Variants in LRRTM4 observed in about 807,000 individuals in gnomAD.
LRRTM4 encodes the protein leucine-rich repeat transmembrane neuronal protein 4.
LRRTM4 carries 25 observed loss-of-function variants against 47.6 expected under a neutral mutation model. The observed-to-expected ratio is 0.53, with a 90% CI of 0.38 to 0.73. The LOEUF (loss-of-function observed/expected upper bound fraction) is 0.73, where lower values mean the gene tolerates loss of function less well. LRRTM4 is among the 30% of genes least tolerant of loss of function. The pLI, the probability that LRRTM4 is intolerant of heterozygous loss-of-function variation, is 0.00. For synonymous variants in LRRTM4, 311 were observed against 269.5 expected (o/e 1.15, Z -1.51); for missense variants, 638 against 713.4 (o/e 0.89, Z 1.20).
intron 3 of LRRTM4, among the ~76,000 whole-genome samples, chr2:77,167,140 A>G (rs1281918972): frequency 6.6e-6 from 1 of 152,220 alleles, no homozygotes; most frequent in Non-Finnish European, 1.5e-5. Context: ...CAAGTGGGCA[A>G]AGGATATGAA....
chr2:77,015,874 T>G (rs965918523), intron 3 of LRRTM4, among the ~76,000 whole-genome samples: 1 of 151,912 alleles, frequency 6.6e-6, no homozygotes, highest in Non-Finnish European at 1.5e-5. Context: ...TCCCAGCACT[T>G]GAGAGTCTGA....
intron 3 of LRRTM4, among the ~76,000 whole-genome samples, chr2:77,093,530 A>G (rs1163814819): frequency 1.5e-4 from 22 of 151,108 alleles, no homozygotes; most frequent in Middle Eastern, 3.4e-3. Flanking sequence ...TTCCCACACC[A>G]CCCCTAATCC....
intron 3 of LRRTM4, among the ~76,000 whole-genome samples, chr2:76,781,620 T>C (rs1674397119): frequency 6.6e-6 from 1 of 152,250 alleles, no homozygotes; most frequent in South Asian, 2.1e-4. Context: ...GGCTCGCGCA[T>C]GGTGCGCGCA....
intron 3 of LRRTM4, among the ~76,000 whole-genome samples, chr2:77,324,080 C>G (rs1414952717): frequency 6.6e-6 from 1 of 152,106 alleles, no homozygotes; most frequent in African/African-American, 2.4e-5. Flanking sequence ...ACCACTACCT[C>G]CAAACAGACC....
intron 3 of LRRTM4, among the ~76,000 whole-genome samples, chr2:76,904,270 ATTGT>A (rs1673744058): frequency 6.6e-6 from 1 of 152,230 alleles, no homozygotes; most frequent in Non-Finnish European, 1.5e-5. Context: ...ACAACAGCTG[ATTGT>A]TTGAGAACCA....
chr2:77,300,861 C>G (rs901428777), intron 3 of LRRTM4, among the ~76,000 whole-genome samples: 2 of 151,916 alleles, frequency 1.3e-5, no homozygotes, highest in Admixed American at 1.3e-4. Flanking sequence ...GTTAAAAATT[C>G]CAATACATAC....
At chr2:77,244,617 C>T (rs1348124822) in intron 3 of LRRTM4, among the ~76,000 whole-genome samples, 2 of 151,964 alleles carry the variant, frequency 1.3e-5, no homozygotes, top group African/African-American at 2.4e-5. Flanking sequence ...GTCCTTATGT[C>T]ATCACCTCCC....
chr2:76,904,558 A>C (rs1000654493), intron 3 of LRRTM4, among the ~76,000 whole-genome samples: 1 of 152,202 alleles, frequency 6.6e-6, no homozygotes, highest in African/African-American at 2.4e-5. Flanking sequence ...TGTCAGTGTT[A>C]ATCTAAATCT....
intron 3 of LRRTM4, among the ~76,000 whole-genome samples, chr2:76,779,662 C>A (rs949721520): frequency 2.0e-5 from 3 of 150,130 alleles, no homozygotes; most frequent in East Asian, 2.0e-4. Flanking sequence ...TGTCTCTGCA[C>A]GTGAGATGGG....
At chr2:77,047,269 CTT>C (rs905773369) in intron 3 of LRRTM4, among the ~76,000 whole-genome samples, 1 of 150,996 alleles carries the variant, frequency 6.6e-6, no homozygotes, top group Non-Finnish European at 1.5e-5. Flanking sequence ...TATTATTTCT[CTT>C]TTTTTCACAG....
At chr2:77,178,111 C>T (rs756282215) in intron 3 of LRRTM4, among the ~76,000 whole-genome samples, 12 of 152,064 alleles carry the variant, frequency 7.9e-5, no homozygotes, top group Non-Finnish European at 1.3e-4. Context: ...ACTGCTGTAT[C>T]TTTAGACTAT....
chr2:77,203,480 A>G (rs1443993844), intron 3 of LRRTM4, among the ~76,000 whole-genome samples: 1 of 152,028 alleles, frequency 6.6e-6, no homozygotes, highest in Non-Finnish European at 1.5e-5. Context: ...TTAGGTAAAG[A>G]TTGGTGTTGG....
chr2:76,913,902 A>AAATAATC (rs1407132495), intron 3 of LRRTM4, among the ~76,000 whole-genome samples: 2 of 152,092 alleles, frequency 1.3e-5, no homozygotes, highest in African/African-American at 2.4e-5. Context: ...AATCATAGTG[A>AAATAATC]TAGGAAACTT....
At chr2:77,310,739 C>A (rs530677941) in intron 3 of LRRTM4, among the ~76,000 whole-genome samples, 5 of 152,238 alleles carry the variant, frequency 3.3e-5, no homozygotes, top group Non-Finnish European at 1.5e-5. Flanking sequence ...AAAGATCAGA[C>A]AACTACAAGC....
At chr2:77,020,156 T>A (rs1328379145) in intron 3 of LRRTM4, among the ~76,000 whole-genome samples, 1 of 144,810 alleles carries the variant, frequency 6.9e-6, no homozygotes, top group Non-Finnish European at 1.5e-5. Context: ...AAGGTAGAAA[T>A]TTTCAGTTTA....
At chr2:76,899,789 A>C (rs1384073771) in intron 3 of LRRTM4, among the ~76,000 whole-genome samples, 1 of 152,238 alleles carries the variant, frequency 6.6e-6, no homozygotes, top group African/African-American at 2.4e-5. Flanking sequence ...TAACAATTAT[A>C]ACAAAAAGTA....
chr2:76,812,558 A>T (rs1248719422), intron 3 of LRRTM4, among the ~76,000 whole-genome samples: 3 of 152,160 alleles, frequency 2.0e-5, no homozygotes, highest in Admixed American at 2.0e-4. Flanking sequence ...CATGGGTTTG[A>T]TAAGAGCCTG....
At chr2:77,265,246 T>C (rs1267479960) in intron 3 of LRRTM4, among the ~76,000 whole-genome samples, 4 of 152,156 alleles carry the variant, frequency 2.6e-5, no homozygotes, top group Non-Finnish European at 5.9e-5. Flanking sequence ...AGTACACTAA[T>C]ATGTTAGCTA....
chr2:77,146,379 C>T (rs796494975), intron 3 of LRRTM4, among the ~76,000 whole-genome samples: 12 of 152,106 alleles, frequency 7.9e-5, no homozygotes, highest in African/African-American at 2.9e-4. Context: ...CATTACTTTC[C>T]TTATCTTTAG....
Sources: gnomAD v4.1 joint callset for allele counts (sites outside exome capture counted in the v4.1 genomes callset) on GRCh38, gnomAD v4.1.1 for gene constraint, MANE v1.5 for transcripts, NCBI Gene and HGNC (gene_info 2026-07-23, HGNC 2026-07-21) for gene names.